Variants in ENTREP2 observed in about 807,000 individuals in gnomAD.
The protein encoded by ENTREP2 is protein ENTREP2.
At chr15:29,186,777 GTTCT>G in the ENTREP2 span, among the ~76,000 whole-genome samples, 11 of 152,104 alleles carry the variant, frequency 7.2e-5, no homozygotes, top group African/African-American at 2.7e-4. Context: ...GTTGAAAGTT[GTTCT>G]TTCTCTTTCT....
the ENTREP2 span, among the ~76,000 whole-genome samples, chr15:29,544,919 T>C: frequency 2.0e-5 from 3 of 152,230 alleles, no homozygotes; most frequent in African/African-American, 7.2e-5. Flanking sequence ...TAGTGACACG[T>C]ATCTGCATGG....
At chr15:29,177,848 G>A in the ENTREP2 span, among the ~76,000 whole-genome samples, 2 of 151,150 alleles carry the variant, frequency 1.3e-5, no homozygotes, top group Non-Finnish European at 2.9e-5. Flanking sequence ...ATGGGCAGGG[G>A]CAGAAAGCAC....
At chr15:29,282,763 C>T in the ENTREP2 span, among the ~76,000 whole-genome samples, 1 of 152,216 alleles carries the variant, frequency 6.6e-6, no homozygotes, top group Admixed American at 6.5e-5. Flanking sequence ...TAGAGGGCTT[C>T]AGGCATACCG....
At chr15:29,447,846 T>C in the ENTREP2 span, among the ~76,000 whole-genome samples, 4 of 152,102 alleles carry the variant, frequency 2.6e-5, no homozygotes, top group Admixed American at 6.5e-5. Context: ...GTGGATTACC[T>C]GAGGTCAGGA....
At chr15:29,446,552 C>T in the ENTREP2 span, among the ~76,000 whole-genome samples, 972 of 152,304 alleles carry the variant, frequency 6.4e-3, 10 homozygotes, top group African/African-American at 0.022. Context: ...GGAGGAGCCT[C>T]GGTCCCCAGT....
At chr15:29,624,162 T>A in the ENTREP2 span, among the ~76,000 whole-genome samples, 3 of 152,246 alleles carry the variant, frequency 2.0e-5, no homozygotes, top group Non-Finnish European at 4.4e-5. Flanking sequence ...GCACTCTGTG[T>A]CTTCTTAGTC....
At chr15:29,340,312 T>A in the ENTREP2 span, among the ~76,000 whole-genome samples, 103 of 151,950 alleles carry the variant, frequency 6.8e-4, no homozygotes, top group African/African-American at 2.2e-3. Context: ...TCTCAGTGGG[T>A]TTTTGCAGGA....
chr15:29,415,787 G>A, the ENTREP2 span, among the ~76,000 whole-genome samples: 1 of 152,300 alleles, frequency 6.6e-6, no homozygotes, highest in South Asian at 2.1e-4. Context: ...AAGCTGATAA[G>A]CAACTTCAGC....
chr15:29,574,818 T>G, the ENTREP2 span, among the ~76,000 whole-genome samples: 1 of 152,210 alleles, frequency 6.6e-6, no homozygotes, highest in Non-Finnish European at 1.5e-5. Flanking sequence ...TAGAGAGTTG[T>G]GCTTGGATCT....
chr15:29,528,628 A>C, the ENTREP2 span, among the ~76,000 whole-genome samples: 6 of 152,308 alleles, frequency 3.9e-5, no homozygotes, highest in South Asian at 2.1e-4. Context: ...TCCTCACCAA[A>C]CACATCTTCT....
the ENTREP2 span, among the ~76,000 whole-genome samples, chr15:29,543,243 G>A: frequency 6.6e-6 from 1 of 152,126 alleles, no homozygotes; most frequent in Non-Finnish European, 1.5e-5. Context: ...GTACACAGAG[G>A]ACTCCTATGG....
At chr15:29,510,222 T>C in the ENTREP2 span, among the ~76,000 whole-genome samples, 1 of 152,194 alleles carries the variant, frequency 6.6e-6, no homozygotes, top group Non-Finnish European at 1.5e-5. Flanking sequence ...CCAGTTAGAA[T>C]GGCGATCATT....
the ENTREP2 span, among the ~76,000 whole-genome samples, chr15:29,325,060 G>A: frequency 1.5e-3 from 235 of 152,218 alleles, 1 homozygote; most frequent in African/African-American, 5.5e-3. Context: ...CCAAATACTT[G>A]GAGATTTTAA....
chr15:29,518,771 C>T, the ENTREP2 span, among the ~76,000 whole-genome samples: 31 of 152,276 alleles, frequency 2.0e-4, no homozygotes, highest in African/African-American at 7.5e-4. Flanking sequence ...AAACTAGTGA[C>T]ACAGGGGAAA....
chr15:29,402,348 C>T, the ENTREP2 span, among the ~76,000 whole-genome samples: 3 of 151,498 alleles, frequency 2.0e-5, no homozygotes, highest in Non-Finnish European at 2.9e-5. Flanking sequence ...CAAGGTCTCC[C>T]TCTGTAGCCC....
At chr15:29,182,780 C>T in the ENTREP2 span, among the ~76,000 whole-genome samples, 1,269 of 151,962 alleles carry the variant, frequency 8.4e-3, 18 homozygotes, top group African/African-American at 0.029. Flanking sequence ...AACTACAAGA[C>T]AAATACAGAA....
At chr15:29,479,023 T>C in the ENTREP2 span, among the ~76,000 whole-genome samples, 1 of 124,822 alleles carries the variant, frequency 8.0e-6, no homozygotes, top group African/African-American at 3.1e-5. Flanking sequence ...TGAAACCCCG[T>C]CTCTACTAAA....
chr15:29,434,809 C>T, the ENTREP2 span, among the ~76,000 whole-genome samples: 7 of 152,158 alleles, frequency 4.6e-5, no homozygotes, highest in East Asian at 3.9e-4. Flanking sequence ...ATGCCTTAGA[C>T]GGTGAAAAAA....
At chr15:29,566,849 A>ACACACACACG in the ENTREP2 span, among the ~76,000 whole-genome samples, 1 of 148,780 alleles carries the variant, frequency 6.7e-6, no homozygotes, top group African/African-American at 2.5e-5. Context: ...GGAAAAATAC[A>ACACACACACG]CACACACACA....
Sources: gnomAD v4.1 joint callset for allele counts (sites outside exome capture counted in the v4.1 genomes callset) on GRCh38, gnomAD v4.1.1 for gene constraint, MANE v1.5 for transcripts, NCBI Gene and HGNC (gene_info 2026-07-23, HGNC 2026-07-21) for gene names.